DYNC1I2: variants seen among roughly 807,000 people sequenced by gnomAD.
The protein encoded by DYNC1I2 is dynein cytoplasmic 1 intermediate chain 2.
A neutral mutation model predicts 88.6 loss-of-function variants in DYNC1I2; 53 were observed. The ratio of observed to expected loss-of-function variants is 0.60; its 90% CI spans 0.48 to 0.75. The LOEUF (loss-of-function observed/expected upper bound fraction) is 0.75. DYNC1I2 is among the 30% of genes least tolerant of loss of function. The pLI is 0.00. For synonymous variants in DYNC1I2, 198 were observed against 254.6 expected, an observed-to-expected ratio of 0.78 and a Z score of 2.12; for missense variants, 458 against 766.6, an observed-to-expected ratio of 0.60 and a Z score of 4.75.
intron 2 of DYNC1I2, among the ~76,000 whole-genome samples, chr2:171,692,468 A>G (rs1458704924): frequency 1.3e-5 from 2 of 152,182 alleles, no homozygotes; most frequent in Non-Finnish European, 2.9e-5. Context: ...GACCATAGAC[A>G]GCAATTTCAT....
chr2:171,727,678 T>A, intron 11 of DYNC1I2, 143 bp from the exon 12 acceptor site: 1 of 629,274 alleles, frequency 1.6e-6, no homozygotes, highest in Non-Finnish European at 2.4e-6. Context: ...AGTGAAAACT[T>A]TTAATTAATT....
At chr2:171,743,268 C>T (rs1689569363) in intron 15 of DYNC1I2, among the ~76,000 whole-genome samples, 1 of 152,168 alleles carries the variant, frequency 6.6e-6, no homozygotes, top group African/African-American at 2.4e-5. Flanking sequence ...TCATCCTTAT[C>T]ATCTTCACAG....
At chr2:171,702,645 AT>A (rs201106193) in intron 3 of DYNC1I2, among the ~76,000 whole-genome samples, 4 of 151,370 alleles carry the variant, frequency 2.6e-5, no homozygotes, top group East Asian at 1.9e-4. Context: ...CCTAAAGTGG[AT>A]TTTTTTTTCC....
chr2:171,747,837 A>T lies in DYNC1I2; in HGVS notation c.1865A>T (p.Asn622Ile). 3.7e-6 allele frequency: 6 copies of T among 1,611,412 alleles called. No individual in the cohort carries two copies. The highest frequency in any genetic ancestry group is 5.1e-6 in the Non-Finnish European group (6 of 1,179,522). ...ARFGRTLAEI[N>I]ANRADAEEEA... is the part of the protein sequence containing the mutation. ...TTTGGCCGAACACTTGCAGAAATTA[A>T]TGCAAACCGAGCTGATGCAGAGGAG... The change falls in exon 18 of 18, where the codon AAT (asparagine) becomes ATT (isoleucine). Residue 622 changes from asparagine (N) to isoleucine (I), a missense_variant. Transcript: ENST00000397119.
intron 7 of DYNC1I2, among the ~76,000 whole-genome samples, chr2:171,723,790 C>T (rs982664760): frequency 3.3e-5 from 5 of 152,114 alleles, no homozygotes; most frequent in African/African-American, 1.2e-4. Flanking sequence ...TTTGCACCAC[C>T]GCCTCCTCAG....
chr2:171,737,056 A>G (rs1473285561), intron 15 of DYNC1I2, among the ~76,000 whole-genome samples: 1 of 152,166 alleles, frequency 6.6e-6, no homozygotes, highest in Non-Finnish European at 1.5e-5. Flanking sequence ...GAAGTCCAAA[A>G]TCAAGGTGTT....
chr2:171,717,617 A>G (rs897282418), intron 7 of DYNC1I2, among the ~76,000 whole-genome samples: 2 of 152,210 alleles, frequency 1.3e-5, no homozygotes, highest in African/African-American at 2.4e-5. Flanking sequence ...CAGTATGAGA[A>G]TACTAATACT....
At chr2:171,719,659 C>A (rs2105637035) in intron 7 of DYNC1I2, among the ~76,000 whole-genome samples, 1 of 152,278 alleles carries the variant, frequency 6.6e-6, no homozygotes, top group East Asian at 1.9e-4. Context: ...TTAACTCTTA[C>A]CTTTCTTTTG....
rs576922571 is a variant in DYNC1I2, at chr2:171,690,785, G to T, written c.108+522G>T. Among the ~76,000 whole-genome samples the T allele has an allele frequency of 3.4e-4, 51 of 151,742 alleles. No homozygotes were observed. The Middle Eastern group carries it at 0.014, about 40-fold the overall frequency. ...TCCTTCCACTTCAGCCTCTGGAGTA[G>T]CTGGGCCTACAGGCACATGTCACTA... On this transcript the variant is annotated intron_variant, in intron 2 of 17. Coordinates refer to ENST00000397119, the MANE Select transcript of DYNC1I2 (RefSeq NM_001378.3).
chr2:171,733,165 A>C (rs1278801165), intron 15 of DYNC1I2, among the ~76,000 whole-genome samples: 1 of 152,182 alleles, frequency 6.6e-6, no homozygotes, highest in African/African-American at 2.4e-5. Context: ...CCCACATAGG[A>C]CATGATCTCA....
intron 15 of DYNC1I2, 43 bp from the exon 16 acceptor site, chr2:171,744,006 T>C (rs1689619836): frequency 1.3e-6 from 2 of 1,508,132 alleles, no homozygotes; most frequent in Non-Finnish European, 1.8e-6. Context: ...ATGATTTGTA[T>C]GTCATATATG....
At position 171,717,886 on chromosome 2, in the gene DYNC1I2, A is replaced by G. The variant is rs188341767; in HGVS notation, c.511+2443A>G. On this transcript the variant is annotated intron_variant, in intron 7 of 17. Transcript: ENST00000397119. ...CAATGCATCTTGGATTTTTTCAAATATAAAGTATTCTGAAACTATTTTGAG... is the reference window on the plus strand; with the variant it reads ...CAATGCATCTTGGATTTTTTCAAATGTAAAGTATTCTGAAACTATTTTGAG... 1.1e-3 allele frequency among the ~76,000 whole-genome samples: 160 copies of G among 152,228 alleles called. 1 individual carries two copies. The highest frequency in any genetic ancestry group is 1.8e-3 in the Non-Finnish European group (125 of 68,004).
intron 15 of DYNC1I2, among the ~76,000 whole-genome samples, chr2:171,741,246 T>C (rs911284649): frequency 1.3e-5 from 2 of 152,244 alleles, no homozygotes; most frequent in Non-Finnish European, 2.9e-5. Context: ...TTGGCTATTA[T>C]GAATCATGCT....
intron 6 of DYNC1I2, among the ~76,000 whole-genome samples, chr2:171,713,975 G>C (rs1326033319): frequency 6.6e-6 from 1 of 151,980 alleles, no homozygotes; most frequent in East Asian, 1.9e-4. Context: ...TTAGTATTAT[G>C]GTTTTTTCTG....
chr2:171,728,444 T>G, intron 13 of DYNC1I2, 26 bp downstream of exon 13: 1 of 1,396,592 alleles, frequency 7.2e-7, no homozygotes, highest in Non-Finnish European at 9.9e-7. Flanking sequence ...GAAACTGAAA[T>G]TTTGAGGCAA....
At chr2:171,698,496 C>T (rs1255334182) in intron 3 of DYNC1I2, among the ~76,000 whole-genome samples, 1 of 152,034 alleles carries the variant, frequency 6.6e-6, no homozygotes, top group African/African-American at 2.4e-5. Context: ...GCAATTCTCC[C>T]ACTTCAACCA....
At chr2:171,707,122 C>T in intron 4 of DYNC1I2, 165 bp from the exon 5 acceptor site, 13 of 966,044 alleles carry the variant, frequency 1.3e-5, no homozygotes, top group South Asian at 3.3e-5. Flanking sequence ...TTGTCTTTTC[C>T]CCTTTCTTTC....
At chr2:171,703,571 T>C (rs1389523540) in intron 3 of DYNC1I2, among the ~76,000 whole-genome samples, 1 of 152,144 alleles carries the variant, frequency 6.6e-6, no homozygotes, top group Non-Finnish European at 1.5e-5. Context: ...TTTAATGTAA[T>C]GCTCTAAATC....
chr2:171,731,736 A>G (rs1688625104), intron 15 of DYNC1I2, among the ~76,000 whole-genome samples: 1 of 152,138 alleles, frequency 6.6e-6, no homozygotes, highest in African/African-American at 2.4e-5. Flanking sequence ...GCCCTGCGAT[A>G]GAATAGCATC....
Sources: allele counts gnomAD v4.1 joint callset (sites outside exome capture counted in the v4.1 genomes callset), GRCh38; gene constraint gnomAD v4.1.1; transcripts MANE v1.5; gene names NCBI Gene and HGNC (gene_info 2026-07-23, HGNC 2026-07-21).